The following GLI3 variants were observed in gnomAD, a reference collection of about 807,000 sequenced individuals.
GLI3 encodes transcription activator GLI3.
GLI3 carries 20 observed loss-of-function variants against 100.8 expected under a neutral mutation model. That is an observed-to-expected ratio of 0.20 (90% confidence interval 0.14 to 0.29). The LOEUF (loss-of-function observed/expected upper bound fraction) is 0.29, where lower values mean the gene tolerates loss of function less well. Among genes scored for constraint, GLI3 ranks in the 10% least tolerant of loss-of-function variants. The probability of loss-of-function intolerance (pLI) is 1.00; values close to 1 mark genes in which losing one functional copy is unlikely to be tolerated. For synonymous variants in GLI3, 938 were observed against 860.5 expected, an observed-to-expected ratio of 1.09 and a Z score of -1.58; for missense variants, 2,040 against 2,128.5, an observed-to-expected ratio of 0.96 and a Z score of 0.82.
intron 4 of GLI3, among the ~76,000 whole-genome samples, chr7:42,072,760 C>G (rs1389940277): frequency 6.6e-6 from 1 of 152,170 alleles, no homozygotes; most frequent in African/African-American, 2.4e-5. Flanking sequence ...AAAATATACA[C>G]ATAAAATAAG....
Position 41,964,915 on chromosome 7 carries a change from A to C in GLI3, c.4158T>G (p.Cys1386Trp), listed in dbSNP as rs1381106015. 1 of 1,613,806 alleles carries C rather than the reference A, an allele frequency of 6.2e-7. No homozygotes were observed. Among genetic ancestry groups the C allele is most frequent in the Non-Finnish European group, 8.5e-7 (1 of 1,180,044 alleles). ...SLAVVRGYQP[C>W]ASFGGSRRQA... ...GGCGCCTGCTGCCCCCAAAGCTGGC[A>C]CATGGCTGGTAGCCCCTGACAACTG... Residue 1386 changes from cysteine (C) to tryptophan (W), a missense_variant, in exon 15 of 15, where the codon TGT (cysteine) becomes TGG (tryptophan). Cys to Trp is a radical substitution (Grantham distance 215). Around this residue, in one of 5 missense-constraint regions of GLI3, gnomAD observed 1,041 missense variants for 924.0 expected, o/e 1.13. Transcript: ENST00000395925.
chr7:42,068,274 G>A (rs1048016078), intron 4 of GLI3, among the ~76,000 whole-genome samples: 2 of 152,210 alleles, frequency 1.3e-5, no homozygotes, highest in Non-Finnish European at 2.9e-5. Context: ...CCAGTAAGCC[G>A]TTTAACTTGT....
chr7:42,005,355 A>G (rs879148350), intron 10 of GLI3, among the ~76,000 whole-genome samples: 2 of 152,096 alleles, frequency 1.3e-5, no homozygotes, highest in South Asian at 2.1e-4. Context: ...AATGTTTGCC[A>G]TATTTTAGAA....
At chr7:42,083,696 A>G (rs1465177027) in intron 3 of GLI3, among the ~76,000 whole-genome samples, 1 of 152,232 alleles carries the variant, frequency 6.6e-6, no homozygotes, top group Non-Finnish European at 1.5e-5. Flanking sequence ...TTTTTTATTT[A>G]TTGTGTTGTC....
chr7:42,182,058 G>A (rs934565181), intron 2 of GLI3, among the ~76,000 whole-genome samples: 6 of 152,044 alleles, frequency 3.9e-5, no homozygotes, highest in African/African-American at 1.2e-4. Context: ...GGGGCCCTAC[G>A]ATTTACAACG....
Position 42,025,275 on chromosome 7 carries a change from G to A in GLI3, c.1345C>T (p.Arg449Trp), listed in dbSNP as rs769783770. ...PDEDLPSPGA[R>W]GQQEQPEGTT... is the part of the protein sequence containing the mutation. ...CCTCGGTGTCCTACCTGCTGCCCCC[G>A]AGCCCCTGGGCTGGGGAGGTCTTCA... is the stretch of plus-strand genomic sequence containing the variant. Residue 449 changes from arginine to tryptophan, a missense_variant, in exon 9 of 15, where the codon CGG (arginine) becomes TGG (tryptophan). Around this residue, in one of 5 missense-constraint regions of GLI3, gnomAD observed 603 missense variants for 690.9 expected, o/e 0.87. Transcript: ENST00000395925. The A allele has an allele frequency of 1.2e-5, 19 of 1,609,832 alleles. No homozygotes were observed. The highest frequency in any genetic ancestry group is 3.3e-5 in the South Asian group (3 of 90,978).
At chr7:42,010,413 A>C (rs1400753827) in intron 10 of GLI3, among the ~76,000 whole-genome samples, 1 of 152,220 alleles carries the variant, frequency 6.6e-6, no homozygotes, top group Non-Finnish European at 1.5e-5. Flanking sequence ...AGTTTAGGAT[A>C]ATCGATAGCA....
At chr7:42,125,049 A>G (rs2128773362) in intron 3 of GLI3, among the ~76,000 whole-genome samples, 1 of 152,298 alleles carries the variant, frequency 6.6e-6, no homozygotes, top group African/African-American at 2.4e-5. Context: ...AAAAAGGGAC[A>G]CAGTTGACAG....
At position 41,966,395 on chromosome 7, in the gene GLI3, T is replaced by A; in HGVS notation, c.2678A>T (p.Asp893Val). Residue 893 changes from aspartate (D) to valine (V), a missense_variant, in exon 15 of 15, where the codon GAC becomes GTC. Physicochemically the swap from Asp to Val is radical, Grantham distance 152. Coordinates refer to ENST00000395925, the MANE Select transcript of GLI3 (RefSeq NM_000168.6). The surrounding 1 kb of genome is among the most constrained non-coding windows in gnomAD (Gnocchi z 5.8). ...GTCGGTGGAGATGGGGTCGTAGGAG[T>A]CGGCCACGCTCACGTTCTGCGGCCG... ...EGRPQNVSVA[D>V]SYDPISTDAS... The A allele has an allele frequency of 6.2e-7, 1 of 1,609,960 alleles. No homozygotes were observed. Among genetic ancestry groups the A allele is most frequent in the Non-Finnish European group, 8.5e-7 (1 of 1,179,214 alleles).
intron 10 of GLI3, among the ~76,000 whole-genome samples, chr7:41,993,070 G>A (rs1211238180): frequency 6.6e-6 from 1 of 152,154 alleles, no homozygotes; most frequent in East Asian, 1.9e-4. Context: ...TGCTGGAAAA[G>A]TGAGACTGTG....
chr7:42,111,568 CTG>C (rs912633089), intron 3 of GLI3, among the ~76,000 whole-genome samples: 2 of 152,258 alleles, frequency 1.3e-5, no homozygotes, highest in African/African-American at 2.4e-5. Flanking sequence ...CTTCAAGAAA[CTG>C]TGTCATTTTC....
At chr7:42,071,406 A>G (rs1784781974) in intron 4 of GLI3, among the ~76,000 whole-genome samples, 1 of 152,166 alleles carries the variant, frequency 6.6e-6, no homozygotes, top group African/African-American at 2.4e-5. Context: ...ACTAGTTTTG[A>G]CCCCAAATAT....
intron 3 of GLI3, among the ~76,000 whole-genome samples, chr7:42,101,554 C>T (rs1203736101): frequency 6.6e-6 from 1 of 151,904 alleles, no homozygotes; most frequent in Non-Finnish European, 1.5e-5. Context: ...TGCAGTGAGC[C>T]ATGTTGGCAC....
At chr7:42,216,932 A>G (rs989183345) in intron 2 of GLI3, among the ~76,000 whole-genome samples, 1 of 152,194 alleles carries the variant, frequency 6.6e-6, no homozygotes, top group Admixed American at 6.5e-5. Context: ...ATTTTAGAAG[A>G]TATCTAAATG....
intron 3 of GLI3, among the ~76,000 whole-genome samples, chr7:42,144,676 A>G (rs1786658973): frequency 6.6e-6 from 1 of 151,350 alleles, no homozygotes; most frequent in South Asian, 2.1e-4. Flanking sequence ...TCTGAAGGGG[A>G]AAAAAAAACA....
At chr7:42,145,551 C>T (rs1354836829) in intron 3 of GLI3, 1 of 376,960 alleles carries the variant, frequency 2.7e-6, no homozygotes, top group East Asian at 3.8e-5. Flanking sequence ...GCAGTTTGCT[C>T]AATTCTTAAT....
At chr7:42,077,312 T>A (rs1036405455) in intron 3 of GLI3, among the ~76,000 whole-genome samples, 2 of 152,072 alleles carry the variant, frequency 1.3e-5, no homozygotes, top group Non-Finnish European at 1.5e-5. Context: ...CACCATACTT[T>A]TAAGAGTGAA....
chr7:42,182,656 A>ATATATATATATATACATGTG (rs1554337008), intron 2 of GLI3, among the ~76,000 whole-genome samples: 10 of 53,676 alleles, frequency 1.9e-4, no homozygotes, highest in Non-Finnish European at 1.4e-4. Flanking sequence ...ATATATATAT[A>ATATATATATATATACATGTG]TATATATATA....
chr7:42,039,894 G>A, intron 7 of GLI3, 144 bp downstream of exon 7: 1 of 694,244 alleles, frequency 1.4e-6, no homozygotes, highest in Non-Finnish European at 2.6e-6. Context: ...TGTGATATTT[G>A]ACCTGCCTCT....
Sources: gnomAD v4.1 joint callset for allele counts (sites outside exome capture counted in the v4.1 genomes callset) on GRCh38, gnomAD v4.1.1 for gene constraint, gnomAD v4.1.1 regional missense constraint, Gnocchi (gnomAD v3.1) non-coding constraint, MANE v1.5 for transcripts, NCBI Gene and HGNC (gene_info 2026-07-23, HGNC 2026-07-21) for gene names.